Variants in LNPK observed in about 807,000 individuals in gnomAD.
The protein encoded by LNPK is lunapark, ER junction formation factor.
LNPK carries 29 observed loss-of-function variants against 55.2 expected under a neutral mutation model. The ratio of observed to expected loss-of-function variants is 0.53; its 90% confidence interval spans 0.39 to 0.72. The LOEUF (loss-of-function observed/expected upper bound fraction) is 0.72, where lower values mean the gene tolerates loss of function less well. Among genes scored for constraint, LNPK ranks in the 30% least tolerant of loss-of-function variants. LNPK has a pLI of 0.00. For synonymous variants in LNPK, 162 were observed against 168.2 expected, an observed-to-expected ratio of 0.96 and a Z score of 0.29; for missense variants, 467 against 494.8, an observed-to-expected ratio of 0.94 and a Z score of 0.53.
chr2:175,984,420 C>T (rs942578999), intron 4 of LNPK, among the ~76,000 whole-genome samples: 1 of 151,858 alleles, frequency 6.6e-6, no homozygotes, highest in Non-Finnish European at 1.5e-5. Flanking sequence ...ATGATCTGCC[C>T]GCCTCAGTCT....
chr2:175,942,130 A>G (rs1174385279), intron 9 of LNPK, among the ~76,000 whole-genome samples: 1 of 152,194 alleles, frequency 6.6e-6, no homozygotes, highest in African/African-American at 2.4e-5. Flanking sequence ...AGCAAGATCT[A>G]CACAAAGGAA....
At chr2:176,000,253 C>T (rs1436560234) in intron 1 of LNPK, among the ~76,000 whole-genome samples, 1 of 152,160 alleles carries the variant, frequency 6.6e-6, no homozygotes, top group African/African-American at 2.4e-5. Flanking sequence ...TATGGCTCAA[C>T]CACATACTAG....
upstream of LNPK, chr2:176,002,384 G>A (rs1455697658): frequency 2.8e-6 from 1 of 357,522 alleles, no homozygotes; most frequent in African/African-American, 2.2e-5. Flanking sequence ...GGTAGTTGTT[G>A]GGGCGGGTCG....
Position 175,937,505 on chromosome 2 carries a change from C to T in LNPK, c.893G>A (p.Cys298Tyr), listed in dbSNP as rs1473449992. The T allele has an allele frequency of 1.2e-6, 2 of 1,607,564 alleles. No homozygotes were observed. The highest frequency in any genetic ancestry group is 1.7e-6 in the Non-Finnish European group (2 of 1,177,758). Residue 298 changes from cysteine (C) to tyrosine (Y), a missense_variant, in exon 12 of 13, where the codon TGT becomes TAT. Coordinates refer to ENST00000272748, the MANE Select transcript of LNPK (RefSeq NM_030650.3). The part of the protein sequence containing the change: ...KEEFEYIAFR[C>Y]AYCFFLNPAR... ...AGGGTTCAAGAAAAAACAGTAGGCA[C>T]ATCGAAAAGCTGCAGAGAATTTTTT... is the stretch of plus-strand genomic sequence containing the variant.
chr2:175,965,824 G>A (rs981428765), intron 6 of LNPK, among the ~76,000 whole-genome samples: 1 of 151,924 alleles, frequency 6.6e-6, no homozygotes, highest in South Asian at 2.1e-4. Context: ...TAGGAACAGA[G>A]GTAGAAAGAG....
intron 4 of LNPK, among the ~76,000 whole-genome samples, chr2:175,988,420 A>G (rs546051999): frequency 6.6e-6 from 1 of 151,776 alleles, no homozygotes; most frequent in South Asian, 2.1e-4. Flanking sequence ...GCTGAGGCAC[A>G]AGAATTGCTT....
intron 10 of LNPK, 70 bp from the exon 11 acceptor site, chr2:175,938,453 G>A (rs1684658058): frequency 1.4e-6 from 1 of 725,674 alleles, no homozygotes; most frequent in Non-Finnish European, 2.3e-6. Flanking sequence ...GACTAATTTA[G>A]CCATCATGGC....
At chr2:175,994,077 A>T in intron 2 of LNPK, 1 of 518,672 alleles carries the variant, frequency 1.9e-6, no homozygotes, top group Non-Finnish European at 2.5e-6. Flanking sequence ...TATTTTTTAT[A>T]CATCTAGAAT....
rs1687895292 is a variant in LNPK, at chr2:175,995,626, A to G, written c.-42T>C. The G allele has an allele frequency of 6.5e-7, 1 of 1,535,924 alleles. No homozygotes were observed. The highest frequency in any genetic ancestry group is 1.7e-5 in the Admixed American group (1 of 59,734). On this transcript the variant is annotated 5_prime_UTR_variant, in exon 2 of 13. Coordinates refer to ENST00000272748, the MANE Select transcript of LNPK (RefSeq NM_030650.3). ...CTGGGCACAATGATAAATATCATCA[A>G]TTGTCCAAAGGAATTCACAGCTAGA...
intron 6 of LNPK, chr2:175,967,630 C>T: frequency 4.1e-6 from 4 of 984,506 alleles, no homozygotes; most frequent in Non-Finnish European, 3.6e-6. Flanking sequence ...ACCATATAAA[C>T]TCATCCTTTT....
In LNPK at chr2:175,947,635, T is replaced by G. The variant is rs1685210260; in HGVS notation, c.551A>C (p.Asn184Thr). 1 of 1,613,792 alleles carries G rather than the reference T, an allele frequency of 6.2e-7. No individual in the cohort carries two copies. The highest frequency in any genetic ancestry group is 1.3e-5 in the African/African-American group (1 of 74,914). The part of the protein sequence containing the change: ...RNLSPTPASP[N>T]QGPPPQVPVS... ...TGGAACTTGTGGAGGAGGGCCCTGG[T>G]TAGGGCTTGCTGGTGTTGGAGAAAG... Residue 184 changes from asparagine (N) to threonine (T), a missense_variant, in exon 9 of 13, where the codon AAC (asparagine) becomes ACC (threonine). By Grantham distance (65) the Asn-to-Thr change is moderately conservative (BLOSUM62 0). Transcript: ENST00000272748.
intron 2 of LNPK, 148 bp from the exon 3 acceptor site, chr2:175,993,371 T>C: frequency 2.0e-6 from 1 of 498,522 alleles, no homozygotes; most frequent in Non-Finnish European, 3.6e-6. Flanking sequence ...AAGATTTATT[T>C]AAATAAAAAT....
At chr2:175,982,281 T>C (rs1687210484) in intron 4 of LNPK, among the ~76,000 whole-genome samples, 2 of 152,190 alleles carry the variant, frequency 1.3e-5, no homozygotes, top group African/African-American at 2.4e-5. Flanking sequence ...TAGAATTCTG[T>C]AGGAAATGTA....
chr2:175,959,455 C>T (rs1427635332), intron 8 of LNPK, among the ~76,000 whole-genome samples: 1 of 148,668 alleles, frequency 6.7e-6, no homozygotes, highest in Non-Finnish European at 1.5e-5. Flanking sequence ...CATATCCAGC[C>T]AAACTAAGCT....
At chr2:175,938,502 A>G in intron 10 of LNPK, 119 bp from the exon 11 acceptor site, 1 of 496,722 alleles carries the variant, frequency 2.0e-6, no homozygotes, top group Non-Finnish European at 3.7e-6. Context: ...GCCATAACAA[A>G]TTATATGAGA....
rs1293218960 is a variant in LNPK, at chr2:175,927,551, A to G, written c.*2416T>C. 6.6e-6 allele frequency: 1 copy of G among 152,226 alleles called. No individual in the cohort carries two copies. Among genetic ancestry groups the G allele is most frequent in the Non-Finnish European group, 1.5e-5 (1 of 68,034 alleles). 9.4% of individuals were successfully genotyped at this position (152,226 alleles called of 1,614,324 possible). On this transcript the variant is annotated 3_prime_UTR_variant, in exon 13 of 13. Coordinates refer to ENST00000272748, the MANE Select transcript of LNPK (RefSeq NM_030650.3). ...TGGTCAGAGAACTGAAAGGAGTTCC[A>G]TATGGCTACAGCACAATGATGGCGG...
intron 5 of LNPK, among the ~76,000 whole-genome samples, chr2:175,975,161 G>T (rs1306903707): frequency 6.6e-6 from 1 of 151,822 alleles, no homozygotes; most frequent in Non-Finnish European, 1.5e-5. Context: ...CTGATAAAAA[G>T]CATTAACATT....
At chr2:176,000,271 A>G (rs1310344956) in intron 1 of LNPK, among the ~76,000 whole-genome samples, 1 of 152,232 alleles carries the variant, frequency 6.6e-6, no homozygotes, top group Non-Finnish European at 1.5e-5. Context: ...TAGCTATGCA[A>G]TCTTGAGCAG....
chr2:175,944,711 G>A (rs1323650750), intron 9 of LNPK, among the ~76,000 whole-genome samples: 8 of 152,042 alleles, frequency 5.3e-5, no homozygotes, highest in African/African-American at 1.9e-4. Flanking sequence ...AAATGGCTAT[G>A]ACAAAATCTT....
Sources: allele counts gnomAD v4.1 joint callset (sites outside exome capture counted in the v4.1 genomes callset), GRCh38; gene constraint gnomAD v4.1.1; transcripts MANE v1.5; gene names NCBI Gene and HGNC (gene_info 2026-07-23, HGNC 2026-07-21).